Variants in ELP4 observed in about 807,000 individuals in gnomAD.
The protein encoded by ELP4 is elongator acetyltransferase complex subunit 4.
In ELP4, 51 loss-of-function variants were observed where a neutral mutation model predicts 48.9. That is an observed-to-expected ratio of 1.04 (90% CI 0.83 to 1.32). ELP4 has a LOEUF of 1.32. Ranked by LOEUF, ELP4 falls within the 40% of genes most tolerant of loss-of-function variation. The pLI, the probability that ELP4 is intolerant of heterozygous loss-of-function variation, is 0.00. For synonymous variants in ELP4, 210 were observed against 189.2 expected (o/e 1.11, Z -0.90); for missense variants, 519 against 514.6 (o/e 1.01, Z -0.08).
chr11:31,599,522 C>CACACACACAA (rs1350916176), intron 4 of ELP4: 46 of 126,586 alleles, frequency 3.6e-4, no homozygotes, highest in African/African-American at 1.6e-3. Context: ...CACACACACA[C>CACACACACAA]AAAAAAAAAA....
intron 9 of ELP4, among the ~76,000 whole-genome samples, chr11:31,659,162 T>G (rs1945502242): frequency 6.6e-6 from 1 of 152,120 alleles, no homozygotes; most frequent in Admixed American, 6.6e-5. Context: ...GGGAATGTCT[T>G]TAACCCAAAA....
chr11:31,604,727 A>G (rs6484512), intron 5 of ELP4, among the ~76,000 whole-genome samples: 92,629 of 151,712 alleles, frequency 0.61, 31,847 homozygotes, highest in Non-Finnish European at 0.76. Context: ...TCTCTGTTCT[A>G]AAAATAATAC....
intron 9 of ELP4, chr11:31,662,582 TC>T (rs1317046051): frequency 3.0e-5 from 12 of 397,864 alleles, no homozygotes; most frequent in Non-Finnish European, 4.4e-5. Context: ...TTCTGTCTCG[TC>T]ATTTACAAAG....
intron 7 of ELP4, 135 bp downstream of exon 7, chr11:31,632,540 C>A: frequency 1.7e-6 from 1 of 598,102 alleles, no homozygotes; most frequent in Non-Finnish European, 2.7e-6. Flanking sequence ...TGCATGTCTT[C>A]TTTTGTCTGT....
intron 1 of ELP4, among the ~76,000 whole-genome samples, chr11:31,514,923 T>A (rs944453449): frequency 6.6e-6 from 1 of 151,738 alleles, no homozygotes; most frequent in Non-Finnish European, 1.5e-5. Flanking sequence ...TATACAAAGG[T>A]ATCTTGTGGA....
chr11:31,697,003 T>C (rs567527746), intron 9 of ELP4, among the ~76,000 whole-genome samples: 3 of 151,890 alleles, frequency 2.0e-5, no homozygotes, highest in Admixed American at 2.0e-4. Flanking sequence ...AAGGCAGGGG[T>C]TGCAATCCTA....
Position 31,647,794 on chromosome 11 carries a change from G to A in ELP4, c.981G>A (p.Leu327=). 6.2e-7 allele frequency: 1 copy of A among 1,609,670 alleles called. No homozygotes were observed. The highest frequency in any genetic ancestry group is 1.3e-5 in the African/African-American group (1 of 74,682). ...CCTTGTCAGATGTAGTAGTTGGTCT[G>A]GAATCATTTATTGGTTCTGAGAGAG... The part of the protein sequence containing the change: ...VTTLSDVVVG[L]ESFIGSERET... Residue 327 remains leucine, a synonymous_variant, in exon 8 of 10, where the codon CTG becomes CTA. Transcript: ENST00000640961.
In ELP4 at chr11:31,783,397, T is replaced by A. The variant is rs765025536; in HGVS notation, c.1148T>A (p.Leu383Gln). Residue 383 changes from leucine (L) to glutamine (Q), a missense_variant, in exon 10 of 10, where the codon CTG (leucine) becomes CAG (glutamine). Coordinates refer to ENST00000640961, the MANE Select transcript of ELP4 (RefSeq NM_019040.5). ...TCCTGAAATCTTCTGCCATAGCGAC[T>A]GCATTTGCCTCCAGACTTGTCAGAC... ...LKRKLFTIER[L>Q]HLPPDLSDTV... 6.2e-7 allele frequency: 1 copy of A among 1,610,546 alleles called. No individual in the cohort carries two copies. Among genetic ancestry groups the A allele is most frequent in the Non-Finnish European group, 8.5e-7 (1 of 1,178,420 alleles).
rs1945649351 is a variant in ELP4, at chr11:31,665,364, CTAGT to C, written c.1143+15144_1143+15147del. Among the ~76,000 whole-genome samples the C allele has an allele frequency of 2.6e-5, 4 of 152,048 alleles. No individual in the cohort carries two copies. The South Asian group carries it at 8.3e-4, about 32-fold the overall frequency. ...TCTCTCTCCCTCTCGCTCTCTCTCT[CTAGT>C]ATTTTTAATTTTCAGTAGTATTCCT... On this transcript the variant is annotated intron_variant, in intron 9 of 9. Transcript: ENST00000640961.
At chr11:31,637,763 T>C (rs1186627287) in intron 7 of ELP4, among the ~76,000 whole-genome samples, 3 of 152,004 alleles carry the variant, frequency 2.0e-5, no homozygotes, top group Non-Finnish European at 4.4e-5. Context: ...ACCTCCAAAT[T>C]ATGCAAACAT....
rs74663985 is a variant in ELP4, at chr11:31,775,182, C to A, written c.1144-8211C>A. 6.3e-3 allele frequency among the ~76,000 whole-genome samples: 957 copies of A among 152,286 alleles called. 3 individuals are homozygous for A. Among genetic ancestry groups the A allele is most frequent in the Non-Finnish European group, 0.011 (753 of 68,018 alleles). Reference sequence around the variant, plus strand: ...AAGCCAACAAACTATTAAATATGTTCTATCTTCCTTCACACATATACCTCC... The same window carrying A: ...AAGCCAACAAACTATTAAATATGTTATATCTTCCTTCACACATATACCTCC... On this transcript the variant is annotated intron_variant, in intron 9 of 9. Coordinates refer to ENST00000640961, the MANE Select transcript of ELP4 (RefSeq NM_019040.5).
At chr11:31,627,670 G>T (rs186519580) in intron 6 of ELP4, among the ~76,000 whole-genome samples, 1 of 151,770 alleles carries the variant, frequency 6.6e-6, no homozygotes, top group Non-Finnish European at 1.5e-5. Context: ...TTATAACAAC[G>T]ATTTCTCTGT....
chr11:31,545,081 TCTC>T (rs1327539646), intron 3 of ELP4, among the ~76,000 whole-genome samples: 1 of 152,022 alleles, frequency 6.6e-6, no homozygotes, highest in African/African-American at 2.4e-5. Context: ...GCAGAGCACC[TCTC>T]CTCCTCAAAA....
chr11:31,581,154 G>A (rs568971661), intron 3 of ELP4, among the ~76,000 whole-genome samples: 7 of 152,104 alleles, frequency 4.6e-5, no homozygotes, highest in East Asian at 3.9e-4. Context: ...CCTTGAAATC[G>A]TCCATACTCC....
In ELP4 at chr11:31,620,892, C is replaced by T. The variant is rs551178380; in HGVS notation, c.654-6218C>T. Among the ~76,000 whole-genome samples, 5 of 151,914 alleles carry T rather than the reference C, an allele frequency of 3.3e-5. No homozygotes were observed. The East Asian group carries it at 9.7e-4, about 29-fold the overall frequency. ...TCTTCTTGGTGCCCTTAATACATTC[C>T]TACACTTTATATGTTCTTAGTTGAA... On this transcript the variant is annotated intron_variant, in intron 5 of 9. Transcript: ENST00000640961.
At chr11:31,543,880 T>C (rs999546434) in intron 3 of ELP4, among the ~76,000 whole-genome samples, 6 of 151,980 alleles carry the variant, frequency 3.9e-5, no homozygotes, top group Non-Finnish European at 7.3e-5. Context: ...GGTGGTTTTT[T>C]ATGAAAACAA....
intron 1 of ELP4, among the ~76,000 whole-genome samples, chr11:31,516,761 G>A (rs1032901155): frequency 6.6e-6 from 1 of 152,056 alleles, no homozygotes; most frequent in African/African-American, 2.4e-5. Context: ...CAAAATGCTG[G>A]GATTATAGCC....
intron 9 of ELP4, chr11:31,652,196 TA>T (rs1242693783): frequency 6.6e-6 from 1 of 151,796 alleles, no homozygotes; most frequent in Non-Finnish European, 1.5e-5. Flanking sequence ...TTTTGTCTAA[TA>T]ACCTAATCAC....
intron 9 of ELP4, among the ~76,000 whole-genome samples, chr11:31,729,819 G>T (rs531451123): frequency 4.6e-5 from 7 of 152,272 alleles, no homozygotes; most frequent in African/African-American, 1.7e-4. Flanking sequence ...GCTTGTCTAC[G>T]TATAATTCAG....
Sources: allele counts gnomAD v4.1 joint callset (sites outside exome capture counted in the v4.1 genomes callset), GRCh38; gene constraint gnomAD v4.1.1; transcripts MANE v1.5; gene names NCBI Gene and HGNC (gene_info 2026-07-23, HGNC 2026-07-21).